Variants in CDC5L observed in about 807,000 individuals in gnomAD.
CDC5L encodes cell division cycle 5-like protein.
In CDC5L, 18 loss-of-function variants were observed where a neutral mutation model predicts 104.1. That is an observed-to-expected ratio of 0.17 (90% confidence interval 0.12 to 0.26). The LOEUF (loss-of-function observed/expected upper bound fraction) is 0.26, where lower values mean the gene tolerates loss of function less well. CDC5L is among the 10% of genes least tolerant of loss of function. CDC5L has a pLI of 1.00. For synonymous variants in CDC5L, 331 were observed against 322.7 expected, an observed-to-expected ratio of 1.03 and a Z score of -0.28; for missense variants, 673 against 956.9, an observed-to-expected ratio of 0.70 and a Z score of 3.91.
chr6:44,438,795 A>G (rs1793053347), intron 14 of CDC5L, among the ~76,000 whole-genome samples: 1 of 151,384 alleles, frequency 6.6e-6, no homozygotes, highest in Non-Finnish European at 1.5e-5. Flanking sequence ...ATTGAAGATG[A>G]GGAATTTTTT....
chr6:44,422,922 C>A (rs577396832), intron 10 of CDC5L, 113 bp downstream of exon 10: 3 of 530,930 alleles, frequency 5.7e-6, no homozygotes. Context: ...AATCTATACA[C>A]CTGTGGATGC....
At chr6:44,406,193 C>T (rs952624305) in intron 6 of CDC5L, 130 bp from the exon 7 acceptor site, 2 of 692,106 alleles carry the variant, frequency 2.9e-6, no homozygotes, top group Non-Finnish European at 4.7e-6. Flanking sequence ...TGAGCCATTG[C>T]ACCTGGCCTT....
chr6:44,396,120 G>C (rs1790858189), intron 4 of CDC5L, among the ~76,000 whole-genome samples: 1 of 152,188 alleles, frequency 6.6e-6, no homozygotes, highest in Admixed American at 6.5e-5. Flanking sequence ...GGGAGGGTAA[G>C]TAAGTGACTA....
Position 44,445,841 on chromosome 6 carries a change from G to A in CDC5L, c.2278G>A (p.Asp760Asn), listed in dbSNP as rs1793426723. Residue 760 changes from aspartate to asparagine, a missense_variant, in exon 15 of 16, where the codon GAT becomes AAT. By Grantham distance (23) the Asp-to-Asn change is conservative (BLOSUM62 1). Transcript: ENST00000371477. ...RTFEELKKHE[D>N]SAIPRRLECL... ...TTTTGAAGAACTCAAGAAACATGAA[G>A]ATTCTGCTATTCCCCGGAGGCTAGA... 1.2e-6 allele frequency: 2 copies of A among 1,613,684 alleles called. No homozygotes were observed. Among genetic ancestry groups the A allele is most frequent in the South Asian group, 2.2e-5 (2 of 91,080 alleles).
At chr6:44,430,576 CTT>C (rs547630955) in intron 14 of CDC5L, among the ~76,000 whole-genome samples, 15 of 135,964 alleles carry the variant, frequency 1.1e-4, no homozygotes, top group Admixed American at 2.2e-4. Context: ...CTTGTGCATT[CTT>C]TTTTTTTTTT....
Position 44,406,453 on chromosome 6 carries a change from C to T in CDC5L, c.889C>T (p.Leu297Phe). The T allele has an allele frequency of 1.2e-6, 2 of 1,608,488 alleles. No individual in the cohort carries two copies. Among genetic ancestry groups the T allele is most frequent in the Non-Finnish European group, 1.7e-6 (2 of 1,178,616 alleles). The stretch of plus-strand genomic sequence containing the variant: ...TACTAAAAAGAGAAGCAAACTAGTA[C>T]TTCCTGCCCCTCAGGTAATCTGATA... The part of the protein sequence containing the change: ...EFTKKRSKLV[L>F]PAPQISDAEL... The change falls in exon 7 of 16, where the codon CTT (leucine) becomes TTT (phenylalanine). Residue 297 changes from leucine to phenylalanine, a missense_variant. Leu to Phe is a conservative substitution (Grantham distance 22). Coordinates refer to ENST00000371477, the MANE Select transcript of CDC5L (RefSeq NM_001253.4).
chr6:44,394,114 G>T (rs1790743742), intron 4 of CDC5L, among the ~76,000 whole-genome samples: 2 of 152,186 alleles, frequency 1.3e-5, no homozygotes, highest in Admixed American at 6.5e-5. Context: ...GTGTTACGGG[G>T]TGTGGTGGTA....
intron 8 of CDC5L, among the ~76,000 whole-genome samples, chr6:44,411,303 T>C (rs1468884146): frequency 6.6e-6 from 1 of 152,100 alleles, no homozygotes; most frequent in East Asian, 1.9e-4. Flanking sequence ...GGGAGAGTTC[T>C]TGATGTCAGT....
intron 5 of CDC5L, among the ~76,000 whole-genome samples, chr6:44,401,670 AT>A (rs1249935512): frequency 6.6e-6 from 1 of 151,768 alleles, no homozygotes; most frequent in African/African-American, 2.4e-5. Context: ...TATTATTATT[AT>A]ACTTTAAGTT....
chr6:44,414,822 A>G (rs1053787130), intron 8 of CDC5L, among the ~76,000 whole-genome samples: 3 of 151,916 alleles, frequency 2.0e-5, no homozygotes, highest in Non-Finnish European at 4.4e-5. Context: ...TTTTTTGCTT[A>G]TGCATTTAAT....
At chr6:44,406,992 C>T (rs539163180) in intron 7 of CDC5L, among the ~76,000 whole-genome samples, 2 of 152,114 alleles carry the variant, frequency 1.3e-5, no homozygotes. Flanking sequence ...ATAGCTTCAG[C>T]TTCTCTGTAT....
chr6:44,426,651 C>T lies in CDC5L; in HGVS notation c.1820C>T (p.Thr607Ile). 6.2e-7 allele frequency: 1 copy of T among 1,612,884 alleles called. No individual in the cohort carries two copies. Among genetic ancestry groups the T allele is most frequent in the Non-Finnish European group, 8.5e-7 (1 of 1,179,182 alleles). Residue 607 changes from threonine to isoleucine, a missense_variant, in exon 13 of 16, where the codon ACC (threonine) becomes ATC (isoleucine). Physicochemically the swap from Thr to Ile is moderately conservative, Grantham distance 89. This residue lies in a region of CDC5L where 578 missense variants were observed against 737.0 expected (regional missense o/e 0.78). Transcript: ENST00000371477. ...AAAGGCAAAACTGTAGGGTTTGGTA[C>T]CAATAATTCAGAGCACATTACCTAT... ...NKKGKTVGFG[T>I]NNSEHITYLE...
At chr6:44,441,673 C>T (rs1039937015) in intron 14 of CDC5L, among the ~76,000 whole-genome samples, 1 of 151,876 alleles carries the variant, frequency 6.6e-6, no homozygotes, top group Non-Finnish European at 1.5e-5. Context: ...AAGGTAATAC[C>T]TTATTGTGGT....
At chr6:44,430,491 T>G (rs1453472726) in intron 14 of CDC5L, among the ~76,000 whole-genome samples, 1 of 150,104 alleles carries the variant, frequency 6.7e-6, no homozygotes, top group East Asian at 1.9e-4. Flanking sequence ...ATAGTTTGCA[T>G]ATTTTGAATT....
chr6:44,441,350 C>T (rs887713872), intron 14 of CDC5L, among the ~76,000 whole-genome samples: 37 of 152,126 alleles, frequency 2.4e-4, no homozygotes, highest in African/African-American at 7.5e-4. Flanking sequence ...AATAGTATTC[C>T]GTTTTATGTG....
intron 1 of CDC5L, among the ~76,000 whole-genome samples, chr6:44,389,142 C>G (rs1790485330): frequency 6.6e-6 from 1 of 152,090 alleles, no homozygotes; most frequent in African/African-American, 2.4e-5. Context: ...CAGAATGAAT[C>G]AAGTAGAGTA....
chr6:44,445,502 G>A (rs1361836763), intron 14 of CDC5L, among the ~76,000 whole-genome samples, 153 bp from the exon 15 acceptor site: 2 of 152,128 alleles, frequency 1.3e-5, no homozygotes, highest in African/African-American at 2.4e-5. Flanking sequence ...TCCTTCTTAA[G>A]CTTGATATTT....
At chr6:44,389,180 A>T (rs568871802) in intron 1 of CDC5L, among the ~76,000 whole-genome samples, 75 of 152,260 alleles carry the variant, frequency 4.9e-4, no homozygotes, top group Non-Finnish European at 9.3e-4. Flanking sequence ...TTTAATTGAA[A>T]ATGTGTTTAA....
chr6:44,403,585 A>G (rs1263556074), intron 5 of CDC5L, among the ~76,000 whole-genome samples: 1 of 152,084 alleles, frequency 6.6e-6, no homozygotes, highest in Non-Finnish European at 1.5e-5. Flanking sequence ...TAAGATATGT[A>G]TTTACTTGTA....
Sources: gnomAD v4.1 joint callset for allele counts (sites outside exome capture counted in the v4.1 genomes callset) on GRCh38, gnomAD v4.1.1 for gene constraint, gnomAD v4.1.1 regional missense constraint, MANE v1.5 for transcripts, NCBI Gene and HGNC (gene_info 2026-07-23, HGNC 2026-07-21) for gene names.